MYRFL: variants seen among roughly 807,000 people sequenced by gnomAD.
MYRFL encodes the protein myelin regulatory factor-like protein.
In MYRFL, 88 loss-of-function variants were observed where a neutral mutation model predicts 109.4. The ratio of observed to expected loss-of-function variants is 0.80; its 90% CI spans 0.68 to 0.96. MYRFL has a LOEUF of 0.96. Among genes scored for constraint, MYRFL ranks in the 40% least tolerant of loss-of-function variants. The pLI, the probability that MYRFL is intolerant of heterozygous loss-of-function variation, is 0.00. For missense variants in MYRFL, 957 were observed against 954.9 expected (o/e 1.00, Z -0.03); for synonymous variants, 324 against 320.9 (o/e 1.01, Z -0.10).
Position 69,910,058 on chromosome 12 carries a change from A to G in MYRFL, c.1473A>G (p.Ile491Met), listed in dbSNP as rs144885461. 2.0e-5 allele frequency: 31 copies of G among 1,530,838 alleles called. No individual in the cohort carries two copies. The East Asian group carries it at 7.6e-4, about 37-fold the overall frequency. 94.8% of individuals were successfully genotyped at this position (1,530,838 alleles called of 1,614,324 possible). A position where few individuals can be genotyped will look rare whatever the true frequency, so the allele number is the denominator to read the frequency against. ...YKPEFASAMG[I>M]NTAHQTGMIA... ...CTGAATTTGCATCTGCAATGGGAATAAACACTGCCCATCAAACAGGTACAC... is the reference window on the plus strand; with the variant it reads ...CTGAATTTGCATCTGCAATGGGAATGAACACTGCCCATCAAACAGGTACAC... Residue 491 changes from isoleucine to methionine, a missense_variant, in exon 12 of 25, where the codon ATA (isoleucine) becomes ATG (methionine). Transcript: ENST00000552032.
intron 13 of MYRFL, among the ~76,000 whole-genome samples, chr12:69,920,735 G>A (rs749721643): frequency 3.3e-5 from 5 of 152,194 alleles, no homozygotes; most frequent in African/African-American, 4.8e-5. Flanking sequence ...AGCATGGAGC[G>A]TGAAGAGGGC....
rs80048641 is a variant in MYRFL at position 69,828,866 on chromosome 12, T to TA, written c.46+3308dup. Among the ~76,000 whole-genome samples, 852 of 152,276 alleles carry TA rather than the reference T, an allele frequency of 5.6e-3. 10 individuals are homozygous for TA. Among genetic ancestry groups the TA allele is most frequent in the East Asian group, 0.047 (245 of 5,188 alleles). On this transcript the variant is annotated intron_variant, in intron 1 of 24. Coordinates refer to ENST00000552032, the MANE Select transcript of MYRFL (RefSeq NM_182530.3). The stretch of plus-strand genomic sequence containing the variant: ...TTCCAAGCTCTTAAAAATAGTTTAT[T>TA]AAAAATGATTTGAAAACAGTATTGT...
chr12:69,951,423 C>CTTTTT (rs11310328), intron 19 of MYRFL, among the ~76,000 whole-genome samples: 3 of 89,196 alleles, frequency 3.4e-5, no homozygotes, highest in East Asian at 3.2e-4. Flanking sequence ...TCCTAACCTG[C>CTTTTT]TTTTTTTTTT....
At chr12:69,906,722 A>C (rs889705128) in intron 11 of MYRFL, among the ~76,000 whole-genome samples, 1 of 152,248 alleles carries the variant, frequency 6.6e-6, no homozygotes, top group Non-Finnish European at 1.5e-5. Context: ...CAAACGCAGA[A>C]GTTCCTTTGC....
intron 15 of MYRFL, among the ~76,000 whole-genome samples, chr12:69,928,076 C>T (rs527436808): frequency 6.4e-4 from 98 of 152,280 alleles, no homozygotes; most frequent in African/African-American, 2.2e-3. Flanking sequence ...CCTTGACCGC[C>T]ACCCCCTTAT....
intron 24 of MYRFL, 24 bp from the exon 25 acceptor site, chr12:69,958,421 T>C: frequency 6.6e-7 from 1 of 1,514,856 alleles, no homozygotes; most frequent in Non-Finnish European, 8.8e-7. Flanking sequence ...AATCTTCCTT[T>C]TTTTTTTTCT....
intron 11 of MYRFL, among the ~76,000 whole-genome samples, chr12:69,906,586 GA>G (rs1229546477): frequency 6.6e-6 from 1 of 152,192 alleles, no homozygotes; most frequent in East Asian, 1.9e-4. Flanking sequence ...TCGTTAAGAT[GA>G]AATGCTCAAA....
intron 1 of MYRFL, among the ~76,000 whole-genome samples, chr12:69,850,818 G>GT (rs1337163900): frequency 2.6e-5 from 4 of 151,340 alleles, no homozygotes; most frequent in South Asian, 2.1e-4. Flanking sequence ...TGTATTCTTT[G>GT]TTTTTTTTCT....
Position 69,932,501 on chromosome 12 carries a change from A to G in MYRFL, c.1831-12A>G. The stretch of plus-strand genomic sequence containing the variant: ...CTAATTTATCACTGCTCATTACTGA[A>G]CCTTTTTATAGGTTTATTTTTCAGG... On this transcript the variant is annotated splice_polypyrimidine_tract_variant and intron_variant, in intron 15 of 24. Coordinates refer to ENST00000552032, the MANE Select transcript of MYRFL (RefSeq NM_182530.3). 1 of 1,528,688 alleles carries G rather than the reference A, an allele frequency of 6.5e-7. No homozygotes were observed. 94.7% of individuals were successfully genotyped at this position (1,528,688 alleles called of 1,614,324 possible).
chr12:69,841,312 C>G (rs954774967), intron 1 of MYRFL, among the ~76,000 whole-genome samples: 2 of 152,186 alleles, frequency 1.3e-5, no homozygotes, highest in African/African-American at 4.8e-5. Flanking sequence ...GGGGAATCAC[C>G]TAGATTTCTT....
At chr12:69,841,582 A>G (rs1223926623) in intron 1 of MYRFL, among the ~76,000 whole-genome samples, 1 of 152,186 alleles carries the variant, frequency 6.6e-6, no homozygotes, top group Non-Finnish European at 1.5e-5. Context: ...ATTGCTGCAC[A>G]TTCTTCCACT....
intron 19 of MYRFL, among the ~76,000 whole-genome samples, chr12:69,945,616 A>T (rs1384590141): frequency 1.3e-5 from 2 of 152,172 alleles, no homozygotes; most frequent in African/African-American, 4.8e-5. Context: ...GCAATGCATG[A>T]CTGTATTGGG....
At chr12:69,851,955 C>T (rs866681991) in intron 1 of MYRFL, among the ~76,000 whole-genome samples, 26 of 152,208 alleles carry the variant, frequency 1.7e-4, no homozygotes, top group African/African-American at 5.5e-4. Context: ...AGCTGTGGTA[C>T]CCAGCTAGGA....
chr12:69,927,686 A>T lies in MYRFL; in HGVS notation c.1768A>T (p.Lys590Ter), dbSNP rs913941993. The T allele has an allele frequency of 2.3e-5, 36 of 1,532,816 alleles. No homozygotes were observed. In the Admixed American group the frequency reaches 5.1e-4, roughly 22 times the overall value. The allele number at this position is 1,532,816 out of a possible 1,614,324, so 95.0% of individuals were successfully genotyped here. ...ACCAATTTTCTCTCTCTTTTAAAGC[A>T]AATCTAGCAGAGCCGTTAGTGCATC... is the stretch of plus-strand genomic sequence containing the variant. ...SSASEASTISKSSRAVSASSP... is the reference protein window; with the variant it reads ...SSASEASTIS Residue 590 changes from lysine (K) to a stop codon, truncating the protein, a stop_gained and splice_region_variant, in exon 15 of 25, where the codon AAA becomes TAA. Transcript: ENST00000552032. LOFTEE classifies it high-confidence loss of function.
intron 10 of MYRFL, among the ~76,000 whole-genome samples, chr12:69,903,400 A>G (rs987688590): frequency 6.6e-6 from 1 of 152,058 alleles, no homozygotes; most frequent in Admixed American, 6.6e-5. Flanking sequence ...TGCAATAGAG[A>G]TTGGATGTTT....
At chr12:69,868,972 A>G (rs1592727933) in intron 2 of MYRFL, among the ~76,000 whole-genome samples, 1 of 152,256 alleles carries the variant, frequency 6.6e-6, no homozygotes, top group South Asian at 2.1e-4. Context: ...ATGTGCGTGC[A>G]CACATGCACT....
At chr12:69,937,871 T>TATCA (rs1440936454) in intron 19 of MYRFL, among the ~76,000 whole-genome samples, 24 of 152,356 alleles carry the variant, frequency 1.6e-4, no homozygotes, top group Admixed American at 8.5e-4. Flanking sequence ...TCATCATGAT[T>TATCA]ATCATGTTGT....
At chr12:69,839,707 G>A (rs554573727) in intron 1 of MYRFL, among the ~76,000 whole-genome samples, 1 of 152,296 alleles carries the variant, frequency 6.6e-6, no homozygotes, top group African/African-American at 2.4e-5. Flanking sequence ...AAATGAGAAA[G>A]TAAATGTAAA....
At chr12:69,931,974 C>A (rs891892502) in intron 15 of MYRFL, among the ~76,000 whole-genome samples, 3 of 152,078 alleles carry the variant, frequency 2.0e-5, no homozygotes, top group African/African-American at 7.2e-5. Flanking sequence ...GACACAGGCC[C>A]AGAGATATCT....
Sources: allele counts gnomAD v4.1 joint callset (sites outside exome capture counted in the v4.1 genomes callset), GRCh38; gene constraint gnomAD v4.1.1; transcripts MANE v1.5; gene names NCBI Gene and HGNC (gene_info 2026-07-23, HGNC 2026-07-21).